Variants in DCLRE1C observed in about 807,000 individuals in gnomAD.
The protein encoded by DCLRE1C is DNA cross-link repair 1C, also known as protein artemis.
DCLRE1C carries 47 observed loss-of-function variants against 61.4 expected under a neutral mutation model. The ratio of observed to expected loss-of-function variants is 0.77; its 90% CI spans 0.61 to 0.98. The LOEUF is 0.98. Among genes scored for constraint, DCLRE1C ranks in the 50% least tolerant of loss-of-function variants. The pLI, the probability that DCLRE1C is intolerant of heterozygous loss-of-function variation, is 0.00. For missense variants in DCLRE1C, 858 were observed against 816.0 expected (o/e 1.05, Z -0.63); for synonymous variants, 337 against 287.6 (o/e 1.17, Z -1.74).
chr10:14,903,431 C>T (rs2131731735), downstream of DCLRE1C: 1 of 152,318 alleles, frequency 6.6e-6, no homozygotes, highest in Non-Finnish European at 1.5e-5. Flanking sequence ...ATTAACATTA[C>T]AGCCTCTCAA....
chr10:14,946,454 T>G (rs1166192781), intron 2 of DCLRE1C, among the ~76,000 whole-genome samples: 1 of 152,226 alleles, frequency 6.6e-6, no homozygotes, highest in African/African-American at 2.4e-5. Context: ...ATTCCTCCAC[T>G]GACTGGCGGG....
At chr10:14,931,288 T>C (rs1211505790) in intron 9 of DCLRE1C, among the ~76,000 whole-genome samples, 1 of 152,192 alleles carries the variant, frequency 6.6e-6, no homozygotes, top group Admixed American at 6.5e-5. Flanking sequence ...AGGCTGGGTG[T>C]GGTGGCTCAT....
Position 14,953,882 on chromosome 10 carries a change from G to A in DCLRE1C, c.109+20C>T, listed in dbSNP as rs372414307. ...AGCCCCCAGCGCCCCGGGAGCGGGC[G>A]ACGCGCAGCCCTCACTCACCTTTGT... On this transcript the variant is annotated intron_variant, in intron 1 of 13. Transcript: ENST00000378278. 6.2e-6 allele frequency: 10 copies of A among 1,613,348 alleles called. No homozygotes were observed. The highest frequency in any genetic ancestry group is 1.7e-5 in the Admixed American group (1 of 60,004).
chr10:14,926,088 C>T (rs990611359), intron 11 of DCLRE1C, among the ~76,000 whole-genome samples: 2 of 152,166 alleles, frequency 1.3e-5, no homozygotes, highest in African/African-American at 2.4e-5. Context: ...CCCAGCCCTG[C>T]GGAACTATGA....
intron 8 of DCLRE1C, among the ~76,000 whole-genome samples, 191 bp downstream of exon 8, chr10:14,934,189 A>G (rs1839491724): frequency 6.6e-6 from 1 of 151,976 alleles, no homozygotes; most frequent in Non-Finnish European, 1.5e-5. Flanking sequence ...TTAGCTAGGC[A>G]TGGTGGCTCA....
intron 2 of DCLRE1C, 148 bp from the exon 3 acceptor site, chr10:14,945,337 A>C: frequency 7.1e-7 from 1 of 1,404,682 alleles, no homozygotes; most frequent in Non-Finnish European, 9.4e-7. Context: ...AAAAACACAA[A>C]TACTAGCCTG....
Position 14,919,791 on chromosome 10 carries a change from T to C in DCLRE1C, c.1103A>G (p.Lys368Arg). The C allele has an allele frequency of 6.2e-7, 1 of 1,614,072 alleles. No homozygotes were observed. The highest frequency in any genetic ancestry group is 8.5e-7 in the Non-Finnish European group (1 of 1,179,948). The change falls in exon 13 of 14, where the codon AAG (lysine) becomes AGG (arginine). Residue 368 changes from lysine to arginine, a missense_variant. Lys to Arg is a conservative substitution (Grantham distance 26). Coordinates refer to ENST00000378278, the MANE Select transcript of DCLRE1C (RefSeq NM_001033855.3). The stretch of plus-strand genomic sequence containing the variant: ...CTTCAGTTTTCCCAGTGGTTTATAC[T>C]TTGGCTCCGTACTTTGGGAAGACCG... ...LCRSSQSTEP[K>R]YKPLGKLKRA...
At chr10:14,945,254 A>G in intron 2 of DCLRE1C, 65 bp from the exon 3 acceptor site, 1 of 1,501,404 alleles carries the variant, frequency 6.7e-7, no homozygotes, top group Non-Finnish European at 9.1e-7. Context: ...TGACTAAGAA[A>G]TCTATTTCAT....
rs61755347 is a variant in DCLRE1C, at chr10:14,909,313, G to C, written c.1174C>G (p.Leu392Val). ...HRDSEEEDDY[L>V]FDDPLPIPLR... ...GGTATTGGCAGAGGATCATCAAAGA[G>C]ATAGTCATCTTCCTCCTCTGTGGGA... The change falls in exon 14 of 14, where the codon CTC becomes GTC. Residue 392 changes from leucine to valine, a missense_variant. Leu to Val is a conservative substitution (Grantham distance 32). Transcript: ENST00000378278. 6.2e-7 allele frequency: 1 copy of C among 1,613,694 alleles called. No homozygotes were observed. Among genetic ancestry groups the C allele is most frequent in the South Asian group, 1.1e-5 (1 of 91,030 alleles).
intron 8 of DCLRE1C, among the ~76,000 whole-genome samples, chr10:14,933,402 G>T (rs186035417): frequency 6.6e-5 from 10 of 152,138 alleles, no homozygotes; most frequent in Non-Finnish European, 1.3e-4. Context: ...TTTGAGAGGC[G>T]GAGGCCGGTG....
At chr10:14,937,308 T>C (rs974862774) in intron 4 of DCLRE1C, among the ~76,000 whole-genome samples, 6 of 142,392 alleles carry the variant, frequency 4.2e-5, no homozygotes, top group Middle Eastern at 3.8e-3. Flanking sequence ...TTTTTTGAGA[T>C]GGAGTCTCAC....
intron 13 of DCLRE1C, among the ~76,000 whole-genome samples, chr10:14,909,746 A>T (rs1186779804): frequency 6.6e-6 from 1 of 152,246 alleles, no homozygotes; most frequent in African/African-American, 2.4e-5. Flanking sequence ...GTGCTCTGCA[A>T]ATAGTAGATG....
chr10:14,933,574 T>C (rs899329226), intron 8 of DCLRE1C, among the ~76,000 whole-genome samples: 10 of 151,804 alleles, frequency 6.6e-5, no homozygotes, highest in Non-Finnish European at 1.3e-4. Flanking sequence ...GAGGCAGAGG[T>C]TGCAGTGAAC....
At chr10:14,903,478 T>C (rs190438184), downstream of DCLRE1C, 54 of 152,338 alleles carry the variant, frequency 3.5e-4, 1 homozygote, top group Admixed American at 1.2e-3. Context: ...CCACCAGATT[T>C]AATATTTTTA....
At chr10:14,915,052 CTAAA>C (rs1835941445) in intron 13 of DCLRE1C, among the ~76,000 whole-genome samples, 4 of 151,232 alleles carry the variant, frequency 2.6e-5, no homozygotes, top group Admixed American at 2.6e-4. Context: ...TAACAAATTT[CTAAA>C]TAACCCATGT....
intron 5 of DCLRE1C, 54 bp downstream of exon 5, chr10:14,936,484 A>T (rs1473133027): frequency 6.9e-7 from 1 of 1,443,460 alleles, no homozygotes; most frequent in Non-Finnish European, 9.7e-7. Context: ...TTATTTCTAC[A>T]AATACAATAT....
intron 5 of DCLRE1C, among the ~76,000 whole-genome samples, 194 bp downstream of exon 5, chr10:14,936,341 TTTA>T: frequency 2.0e-5 from 3 of 149,450 alleles, no homozygotes; most frequent in South Asian, 2.1e-4. Flanking sequence ...TTTTTTTTTT[TTTA>T]AAAAAAAAAC....
At position 14,936,601 on chromosome 10, in the gene DCLRE1C, G is replaced by C; in HGVS notation, c.307-8C>G. The C allele has an allele frequency of 1.9e-6, 3 of 1,606,486 alleles. No individual in the cohort carries two copies. The highest frequency in any genetic ancestry group is 2.6e-6 in the Non-Finnish European group (3 of 1,173,986). ...CACAACAATCTCTTCCTTCTAAAAA[G>C]AAAATAAAGAAAAAATAGTAATGGA... On this transcript the variant is annotated splice_polypyrimidine_tract_variant and splice_region_variant and intron_variant, in intron 4 of 13. Transcript: ENST00000378278.
chr10:14,946,002 T>C (rs1841629225), intron 2 of DCLRE1C, among the ~76,000 whole-genome samples: 2 of 139,616 alleles, frequency 1.4e-5, no homozygotes, highest in Non-Finnish European at 3.1e-5. Flanking sequence ...AATTTCATAA[T>C]AAACTTTTTT....
Sources: gnomAD v4.1 joint callset for allele counts (sites outside exome capture counted in the v4.1 genomes callset) on GRCh38, gnomAD v4.1.1 for gene constraint, MANE v1.5 for transcripts, NCBI Gene and HGNC (gene_info 2026-07-23, HGNC 2026-07-21) for gene names.